TXLNB: variants seen among roughly 807,000 people sequenced by gnomAD.
TXLNB encodes beta-taxilin.
A neutral mutation model predicts 57.4 loss-of-function variants in TXLNB; 37 were observed. The ratio of observed to expected loss-of-function variants is 0.64; its 90% CI spans 0.50 to 0.85. The LOEUF is 0.85. Ranked by LOEUF, TXLNB falls within the 40% of genes least tolerant of loss-of-function variation. The pLI is 0.00. For synonymous variants in TXLNB, 302 were observed against 309.6 expected (o/e 0.98, Z 0.26); for missense variants, 848 against 825.6 (o/e 1.03, Z -0.33).
At chr6:139,213,553 T>A in the TXLNB span, among the ~76,000 whole-genome samples, 1 of 151,774 alleles carries the variant, frequency 6.6e-6, no homozygotes, top group African/African-American at 2.4e-5. Flanking sequence ...CACCCTAACA[T>A]CACAATTAAA....
chr6:139,224,902 A>G, the TXLNB span, among the ~76,000 whole-genome samples: 1 of 152,190 alleles, frequency 6.6e-6, no homozygotes, highest in Admixed American at 6.5e-5. Flanking sequence ...AGAAAATTAC[A>G]AAGAATCTCT....
the TXLNB span, among the ~76,000 whole-genome samples, chr6:139,221,199 A>G: frequency 6.6e-6 from 1 of 152,350 alleles, no homozygotes; most frequent in East Asian, 1.9e-4. Context: ...AAAGCATCCC[A>G]CAGTTTCATG....
the TXLNB span, among the ~76,000 whole-genome samples, chr6:139,175,768 G>A: frequency 1.7e-3 from 258 of 152,286 alleles, no homozygotes; most frequent in African/African-American, 6.1e-3. Context: ...ACCATTGAAA[G>A]GCAATGAGAT....
the TXLNB span, among the ~76,000 whole-genome samples, chr6:139,161,799 G>A: frequency 1.1e-3 from 173 of 152,282 alleles, no homozygotes; most frequent in African/African-American, 4.1e-3. Flanking sequence ...ACATTTCAGG[G>A]ACGTTTACTT....
At chr6:139,232,935 T>C in the TXLNB span, among the ~76,000 whole-genome samples, 2 of 152,238 alleles carry the variant, frequency 1.3e-5, no homozygotes, top group African/African-American at 2.4e-5. Flanking sequence ...GAAACCTGTA[T>C]GTGTGTGTTG....
At chr6:139,185,248 A>G in the TXLNB span, among the ~76,000 whole-genome samples, 2 of 151,184 alleles carry the variant, frequency 1.3e-5, no homozygotes, top group African/African-American at 4.8e-5. Context: ...CAGGATACCT[A>G]AAAGGTCAGT....
chr6:139,273,454 T>C (rs142787443), intron 3 of TXLNB, among the ~76,000 whole-genome samples: 73 of 152,350 alleles, frequency 4.8e-4, no homozygotes, highest in African/African-American at 1.7e-3. Context: ...TAATGTTTTA[T>C]TTTTATTTTT....
chr6:139,277,395 G>C (rs1776926202), intron 2 of TXLNB, among the ~76,000 whole-genome samples: 5 of 152,200 alleles, frequency 3.3e-5, no homozygotes. Context: ...AGAGAAGCTT[G>C]ATGAAGTAGC....
At chr6:139,163,619 G>C in the TXLNB span, among the ~76,000 whole-genome samples, 2 of 152,200 alleles carry the variant, frequency 1.3e-5, no homozygotes, top group East Asian at 3.9e-4. Context: ...CTTCGAAAGT[G>C]CTGGGATTAC....
downstream of TXLNB, among the ~76,000 whole-genome samples, chr6:139,236,202 CAG>C (rs1215663714): frequency 6.6e-6 from 1 of 152,168 alleles, no homozygotes; most frequent in African/African-American, 2.4e-5. Flanking sequence ...TGTGATAAGT[CAG>C]AGAGTCTAAC....
intron 4 of TXLNB, among the ~76,000 whole-genome samples, chr6:139,269,374 T>C (rs1776701143): frequency 6.6e-6 from 1 of 152,226 alleles, no homozygotes; most frequent in Admixed American, 6.5e-5. Context: ...GATTTATGCA[T>C]CCTTTGAATC....
chr6:139,190,648 C>A, the TXLNB span, among the ~76,000 whole-genome samples: 1 of 152,114 alleles, frequency 6.6e-6, no homozygotes, highest in South Asian at 2.1e-4. Flanking sequence ...CTAGCTGTGT[C>A]CTCACATGGC....
the TXLNB span, among the ~76,000 whole-genome samples, chr6:139,202,803 TTCC>T: frequency 6.6e-6 from 1 of 152,232 alleles, no homozygotes; most frequent in African/African-American, 2.4e-5. Flanking sequence ...CTAGAATTTA[TTCC>T]TTCTATCTAG....
At chr6:139,206,992 C>T in the TXLNB span, among the ~76,000 whole-genome samples, 785 of 152,184 alleles carry the variant, frequency 5.2e-3, 2 homozygotes, top group Non-Finnish European at 8.1e-3. Flanking sequence ...ATAATTACTA[C>T]GAGACCTAAG....
At chr6:139,303,490 G>A in the TXLNB span, among the ~76,000 whole-genome samples, 1 of 152,084 alleles carries the variant, frequency 6.6e-6, no homozygotes, top group East Asian at 1.9e-4. Context: ...AGGATGGAAT[G>A]CATTTTCTTT....
At chr6:139,226,166 T>C in the TXLNB span, among the ~76,000 whole-genome samples, 1 of 151,516 alleles carries the variant, frequency 6.6e-6, no homozygotes. Context: ...AGGCTGGTGA[T>C]GCGTGCCTGT....
At chr6:139,176,888 CAAGTGTT>C in the TXLNB span, 1 of 825,794 alleles carries the variant, frequency 1.2e-6, no homozygotes, top group South Asian at 1.4e-5. This position sits in a 1 kb window ranked among gnomAD's most constrained non-coding sequence, Gnocchi z 4.5. Flanking sequence ...ATGACTTTGA[CAAGTGTT>C]GGGAAGTGGA....
At chr6:139,276,145 C>T (rs1476885387) in intron 3 of TXLNB, among the ~76,000 whole-genome samples, 1 of 152,166 alleles carries the variant, frequency 6.6e-6, no homozygotes, top group Non-Finnish European at 1.5e-5. Flanking sequence ...TAGAACAGTT[C>T]ATCCACTCCT....
At chr6:139,285,477 A>T (rs1167774208) in intron 2 of TXLNB, among the ~76,000 whole-genome samples, 1 of 144,358 alleles carries the variant, frequency 6.9e-6, no homozygotes, top group African/African-American at 2.6e-5. Flanking sequence ...AGAAGAAAAA[A>T]TTGCTCTGTA....
Sources: gnomAD v4.1 joint callset for allele counts (sites outside exome capture counted in the v4.1 genomes callset) on GRCh38, gnomAD v4.1.1 for gene constraint, Gnocchi (gnomAD v3.1) non-coding constraint, MANE v1.5 for transcripts, NCBI Gene and HGNC (gene_info 2026-07-23, HGNC 2026-07-21) for gene names.